LMO4: variants seen among roughly 807,000 people sequenced by gnomAD.
LMO4 encodes LIM domain transcription factor LMO4.
Under a neutral mutation model 18.5 loss-of-function variants are expected in LMO4, and 3 were observed. That is an observed-to-expected ratio of 0.16 (90% CI 0.07 to 0.42). The LOEUF (loss-of-function observed/expected upper bound fraction) is 0.42. Ranked by LOEUF, LMO4 falls within the 10% of genes least tolerant of loss-of-function variation. LMO4 has a pLI of 0.99. For missense variants in LMO4, 121 were observed against 219.9 expected (o/e 0.55, Z 2.84); for synonymous variants, 100 against 88.1 (o/e 1.14, Z -0.76).
chr1:87,345,150 TAGC>T lies in LMO4; in HGVS notation c.*357_*359del, dbSNP rs1650592311. 4.1e-6 allele frequency: 1 copy of T among 242,588 alleles called. No individual in the cohort carries two copies. The highest frequency in any genetic ancestry group is 7.9e-6 in the Non-Finnish European group (1 of 126,872). The allele number at this position is 242,588 out of a possible 1,614,324, so 15.0% of individuals were successfully genotyped here. A position where few individuals can be genotyped will look rare whatever the true frequency, so the allele number is the denominator to read the frequency against. The stretch of plus-strand genomic sequence containing the variant: ...TCTGCTTTCTACCCTCATTAACAAT[TAGC>T]AGGGCACTGGCCAGAGTTTGTACCC... On this transcript the variant is annotated 3_prime_UTR_variant, in exon 5 of 5. Coordinates refer to ENST00000370544, the MANE Select transcript of LMO4 (RefSeq NM_006769.4).
intron 1 of LMO4, chr1:87,331,790 G>A: frequency 1.8e-6 from 1 of 558,270 alleles, no homozygotes; most frequent in South Asian, 2.5e-5. Flanking sequence ...AGGAGCTCGT[G>A]GCCCCAGAAC....
At position 87,346,806 on chromosome 1, in the gene LMO4, T is replaced by C. The variant is rs1052198979; in HGVS notation, c.*2010T>C. ...CATATATATGTTTGAATTAGATGTC[T>C]GTTTGAATTAGATCCTTGGGGAATT... On this transcript the variant is annotated 3_prime_UTR_variant, in exon 5 of 5. Transcript: ENST00000370544. The C allele has an allele frequency of 1.7e-4, 26 of 152,382 alleles. No individual in the cohort carries two copies. The highest frequency in any genetic ancestry group is 5.5e-4 in the African/African-American group (23 of 41,604). 9.4% of individuals were successfully genotyped at this position (152,382 alleles called of 1,614,324 possible).
intron 2 of LMO4, among the ~76,000 whole-genome samples, chr1:87,333,421 T>C (rs1216165062): frequency 6.6e-6 from 1 of 152,138 alleles, no homozygotes; most frequent in East Asian, 1.9e-4. Flanking sequence ...AGAAAATTTT[T>C]TTCTTTCTTC....
In LMO4 at chr1:87,348,853, T is replaced by C; in HGVS notation, c.*4057T>C. 4.3e-6 allele frequency: 2 copies of C among 466,336 alleles called. No homozygotes were observed. The highest frequency in any genetic ancestry group is 1.5e-5 in the South Asian group (1 of 65,486). 28.9% of individuals were successfully genotyped at this position (466,336 alleles called of 1,614,324 possible). On this transcript the variant is annotated 3_prime_UTR_variant, in exon 5 of 5. Coordinates refer to ENST00000370544, the MANE Select transcript of LMO4 (RefSeq NM_006769.4). ...CAATAATGTACTACAGGCCCTGACA[T>C]GTTACAGCTGTGTAAACAGGGCCAT...
At chr1:87,338,992 T>A (rs1415824875) in intron 2 of LMO4, among the ~76,000 whole-genome samples, 1 of 152,208 alleles carries the variant, frequency 6.6e-6, no homozygotes, top group Non-Finnish European at 1.5e-5. Context: ...TTGAAAAGGT[T>A]AACCCATACA....
At chr1:87,333,788 C>T (rs185994012) in intron 2 of LMO4, among the ~76,000 whole-genome samples, 70 of 151,814 alleles carry the variant, frequency 4.6e-4, no homozygotes, top group Non-Finnish European at 9.0e-4. Context: ...GCTTTCTGGT[C>T]CTCCTTCCAA....
chr1:87,341,508 A>C (rs1357219051), intron 4 of LMO4, among the ~76,000 whole-genome samples: 5 of 152,216 alleles, frequency 3.3e-5, no homozygotes, highest in Non-Finnish European at 7.4e-5. Context: ...TCTCGGGGAA[A>C]AAAATAGACT....
At chr1:87,333,513 T>C (rs79520558) in intron 2 of LMO4, among the ~76,000 whole-genome samples, 10,609 of 152,262 alleles carry the variant, frequency 0.07, 407 homozygotes, top group Middle Eastern at 0.14. Context: ...ACTAACATTG[T>C]AAAAGATCCC....
chr1:87,335,997 A>G (rs1165177615), intron 2 of LMO4, among the ~76,000 whole-genome samples: 1 of 136,988 alleles, frequency 7.3e-6, no homozygotes, highest in African/African-American at 3.0e-5. Flanking sequence ...CAGATCTGTT[A>G]CTCTGAATTA....
intron 1 of LMO4, among the ~76,000 whole-genome samples, chr1:87,330,454 A>G (rs1416080002): frequency 1.3e-5 from 2 of 152,236 alleles, no homozygotes; most frequent in African/African-American, 2.4e-5. Context: ...GATAAATGCA[A>G]TGCTAATGGG....
In LMO4 at chr1:87,346,963, A is replaced by G. The variant is rs761188150; in HGVS notation, c.*2167A>G. On this transcript the variant is annotated 3_prime_UTR_variant, in exon 5 of 5. Coordinates refer to ENST00000370544, the MANE Select transcript of LMO4 (RefSeq NM_006769.4). ...AGGCATTTTCTATATTCTTTTTGGCATAAGCACTTATGTCCCTGATATGTA... is the reference window on the plus strand; with the variant it reads ...AGGCATTTTCTATATTCTTTTTGGCGTAAGCACTTATGTCCCTGATATGTA... The G allele has an allele frequency of 9.2e-5, 14 of 152,194 alleles. No individual in the cohort carries two copies. The highest frequency in any genetic ancestry group is 1.8e-4 in the Non-Finnish European group (12 of 68,030). 9.4% of individuals were successfully genotyped at this position (152,194 alleles called of 1,614,324 possible).
chr1:87,337,859 C>T (rs1032592998), intron 2 of LMO4, among the ~76,000 whole-genome samples: 41 of 151,134 alleles, frequency 2.7e-4, no homozygotes, highest in Non-Finnish European at 2.1e-4. Flanking sequence ...GCCCAGAGGC[C>T]CCCCAAGCTC....
At chr1:87,339,660 T>TAAAAA in intron 3 of LMO4, 28 bp downstream of exon 3, 1 of 1,238,922 alleles carries the variant, frequency 8.1e-7, no homozygotes, top group Non-Finnish European at 1.1e-6. Context: ...CTTTTTTTTT[T>TAAAAA]AAAAAAAAAA....
rs1353929727 is a variant in LMO4, at chr1:87,346,109, G to GC, written c.*1315dup. On this transcript the variant is annotated 3_prime_UTR_variant, in exon 5 of 5. Coordinates refer to ENST00000370544, the MANE Select transcript of LMO4 (RefSeq NM_006769.4). ...ATGGTGATCTTTGATTGGTGAAGTA[G>GC]CCATTTCCTGGTGACCCTTAGGCTC... 6.6e-6 allele frequency: 1 copy of GC among 152,204 alleles called. No homozygotes were observed. The highest frequency in any genetic ancestry group is 1.5e-5 in the Non-Finnish European group (1 of 68,060). The allele number at this position is 152,204 out of a possible 1,614,324, so 9.4% of individuals were successfully genotyped here.
intron 2 of LMO4, among the ~76,000 whole-genome samples, chr1:87,333,723 C>G (rs1240681449): frequency 6.6e-6 from 1 of 152,156 alleles, no homozygotes; most frequent in Non-Finnish European, 1.5e-5. Flanking sequence ...ATTAATTTCA[C>G]TAAGTGTTCT....
rs1650686910 is a variant in LMO4 at position 87,348,144 on chromosome 1, A to G, written c.*3348A>G. ...AAATATTTCTTAGGGCCCATAAATC[A>G]TATAATAAACAGTGAACCCAAGAGC... On this transcript the variant is annotated 3_prime_UTR_variant, in exon 5 of 5. Transcript: ENST00000370544. 1 of 152,452 alleles carries G rather than the reference A, an allele frequency of 6.6e-6. No homozygotes were observed. Among genetic ancestry groups the G allele is most frequent in the Non-Finnish European group, 1.5e-5 (1 of 68,234 alleles). 9.4% of individuals were successfully genotyped at this position (152,452 alleles called of 1,614,324 possible). A position where few individuals can be genotyped will look rare whatever the true frequency, so the allele number is the denominator to read the frequency against.
intron 1 of LMO4, 64 bp from the exon 2 acceptor site, chr1:87,331,949 T>G: frequency 7.6e-7 from 1 of 1,318,544 alleles, no homozygotes; most frequent in Non-Finnish European, 1.1e-6. Context: ...TCTCCGGCGA[T>G]TACTAACTTT....
Position 87,333,950 on chromosome 1 carries a change from A to AAC in LMO4, c.236+1700_236+1701insCA, listed in dbSNP as rs1437521083. Among the ~76,000 whole-genome samples the AAC allele has an allele frequency of 5.9e-5, 9 of 152,048 alleles. No individual in the cohort carries two copies. In the Middle Eastern group the frequency reaches 0.014, roughly 230 times the overall value. ...TCTTCTCCGAGTGCCTTCAAAAAAA[A>AAC]AAAAACAAAAAACAAAAAAAACCCT... On this transcript the variant is annotated intron_variant, in intron 2 of 4. Coordinates refer to ENST00000370544, the MANE Select transcript of LMO4 (RefSeq NM_006769.4).
chr1:87,335,943 T>A (rs990907331), intron 2 of LMO4, among the ~76,000 whole-genome samples: 3 of 151,878 alleles, frequency 2.0e-5, no homozygotes, highest in Admixed American at 6.6e-5. Flanking sequence ...TTATCTTGAT[T>A]TGTCATAACA....
Sources: allele counts gnomAD v4.1 joint callset (sites outside exome capture counted in the v4.1 genomes callset), GRCh38; gene constraint gnomAD v4.1.1; transcripts MANE v1.5; gene names NCBI Gene and HGNC (gene_info 2026-07-23, HGNC 2026-07-21).